The following DACH2 variants were observed in gnomAD, a reference collection of about 807,000 sequenced individuals.
DACH2 encodes the protein dachshund family transcription factor 2.
A neutral mutation model predicts 35.8 loss-of-function variants in DACH2; 17 were observed. That is an observed-to-expected ratio of 0.48 (90% CI 0.33 to 0.71). DACH2 has a LOEUF of 0.71. Among genes scored for constraint, DACH2 ranks in the 30% least tolerant of loss-of-function variants. DACH2 has a pLI of 0.02. For synonymous variants in DACH2, 195 were observed against 177.3 expected, an observed-to-expected ratio of 1.10 and a Z score of -0.79; for missense variants, 469 against 472.7, an observed-to-expected ratio of 0.99 and a Z score of 0.07.
intron 1 of DACH2, among the ~76,000 whole-genome samples, chrX:86,228,825 G>A (rs1019670593): frequency 8.2e-5 from 9 of 109,607 alleles, no homozygotes; most frequent in Admixed American, 2.9e-4. Flanking sequence ...GTTTTTTTTC[G>A]TACTGATTTG....
intron 2 of DACH2, among the ~76,000 whole-genome samples, chrX:86,381,756 T>C (rs770352549): frequency 1.1e-4 from 12 of 111,036 alleles, no homozygotes; most frequent in Non-Finnish European, 1.7e-4. Context: ...AAAATTGTTG[T>C]AACACTCTCT....
At chrX:86,407,707 A>T (rs1448763100) in intron 2 of DACH2, among the ~76,000 whole-genome samples, 1 of 112,022 alleles carries the variant, frequency 8.9e-6, no homozygotes, top group East Asian at 2.8e-4. Context: ...AGGCCCAAAG[A>T]TTTAAAAGCA....
intron 2 of DACH2, among the ~76,000 whole-genome samples, chrX:86,420,515 C>G (rs1372284536): frequency 9.1e-6 from 1 of 109,630 alleles, no homozygotes; most frequent in Non-Finnish European, 1.9e-5. Flanking sequence ...TGTGCATGTA[C>G]TTGTGGCCAA....
chrX:86,290,679 A>T (rs749318406), intron 1 of DACH2, among the ~76,000 whole-genome samples: 1 of 104,761 alleles, frequency 9.5e-6, no homozygotes, highest in African/African-American at 3.6e-5. Context: ...TTAAATAGGG[A>T]ATCCTTTCCC....
chrX:86,615,001 G>A (rs2039987284), intron 3 of DACH2, among the ~76,000 whole-genome samples: 3 of 111,412 alleles, frequency 2.7e-5, no homozygotes, highest in African/African-American at 9.8e-5. Context: ...TCTTTGTGAG[G>A]AAACAAAGTG....
At chrX:86,620,427 G>A (rs1489777806) in intron 3 of DACH2, among the ~76,000 whole-genome samples, 1 of 111,053 alleles carries the variant, frequency 9.0e-6, no homozygotes, top group East Asian at 2.8e-4. Flanking sequence ...TGGTTATCAC[G>A]GACAGCAGCT....
intron 1 of DACH2, among the ~76,000 whole-genome samples, chrX:86,326,512 C>CATAT (rs368452832): frequency 9.7e-6 from 1 of 102,886 alleles, no homozygotes; most frequent in African/African-American, 3.5e-5. Context: ...CACACACACA[C>CATAT]ATATATATAT....
chrX:86,737,157 G>T (rs2147256790), intron 6 of DACH2, among the ~76,000 whole-genome samples: 1 of 111,814 alleles, frequency 8.9e-6, no homozygotes, highest in African/African-American at 3.2e-5. Context: ...GGGCTGTATG[G>T]ATATTGCTGT....
chrX:86,283,988 T>TTTTAA lies in DACH2; in HGVS notation c.489-92833_489-92832insAATTT, dbSNP rs2034093494. Reference sequence around the variant, plus strand: ...ACTTTACTGAATTTATCAGTTTTAATTTTTTTTTGGTGTATTCTTTAGGTT... The same window carrying TTTTAA: ...ACTTTACTGAATTTATCAGTTTTAATTTTAATTTTTTTTGGTGTATTCTTTAGGTT... On this transcript the variant is annotated intron_variant, in intron 1 of 11. Coordinates refer to ENST00000373125, the MANE Select transcript of DACH2 (RefSeq NM_053281.3). 5.1e-5 allele frequency among the ~76,000 whole-genome samples: 4 copies of TTTTAA among 78,174 alleles called. No homozygotes were observed. In the South Asian group the frequency reaches 2.3e-3, roughly 45 times the overall value. 67.9% of individuals were successfully genotyped at this position (78,174 alleles called of 115,157 possible). A position where few individuals can be genotyped will look rare whatever the true frequency, so the allele number is the denominator to read the frequency against.
chrX:86,698,313 TA>T (rs1022982257), intron 5 of DACH2, among the ~76,000 whole-genome samples: 3 of 108,695 alleles, frequency 2.8e-5, no homozygotes, highest in Non-Finnish European at 5.7e-5. Context: ...GAAGGAGAAA[TA>T]AAAACTTTCT....
chrX:86,263,072 T>C (rs2033655310), intron 1 of DACH2: 1 of 602,635 alleles, frequency 1.7e-6, no homozygotes, highest in Non-Finnish European at 2.0e-6. Context: ...GAAAAAAGCA[T>C]CATAATAATA....
At chrX:86,194,080 A>G (rs1277298063) in intron 1 of DACH2, among the ~76,000 whole-genome samples, 2 of 110,270 alleles carry the variant, frequency 1.8e-5, no homozygotes, top group African/African-American at 6.6e-5. Flanking sequence ...GAACTGACAG[A>G]TTGATGGAAA....
chrX:86,676,007 C>A (rs1184629872), intron 4 of DACH2, among the ~76,000 whole-genome samples: 3 of 111,701 alleles, frequency 2.7e-5, no homozygotes, highest in Non-Finnish European at 5.6e-5. Context: ...CATGTGTGTG[C>A]ACATACACAT....
In DACH2 at chrX:86,812,868, T is replaced by C. The variant is rs1214269399; in HGVS notation, c.1253T>C (p.Val418Ala). ...HHLERMEEVP[V>A]QIPIMKSPLD... ...TTTGTTTTTGCAGAAGAGGTACCAG[T>C]TCAAATTCCAATAATGAAGTCACCC... Residue 418 changes from valine to alanine, a missense_variant, in exon 8 of 12, where the codon GTT (valine) becomes GCT (alanine). Coordinates refer to ENST00000373125, the MANE Select transcript of DACH2 (RefSeq NM_053281.3). The C allele has an allele frequency of 8.4e-7, 1 of 1,196,016 alleles. No homozygotes were observed. Among genetic ancestry groups the C allele is most frequent in the Non-Finnish European group, 1.1e-6 (1 of 889,043 alleles).
chrX:86,366,795 C>G (rs991949035), intron 1 of DACH2, among the ~76,000 whole-genome samples: 97 of 109,454 alleles, frequency 8.9e-4, no homozygotes, highest in Non-Finnish European at 1.5e-3. Context: ...GACCCCACCC[C>G]CCTTTTTGCT....
chrX:86,726,840 C>G (rs2041475371), intron 6 of DACH2, among the ~76,000 whole-genome samples: 1 of 111,837 alleles, frequency 8.9e-6, no homozygotes, highest in Non-Finnish European at 1.9e-5. Flanking sequence ...AGGAGCTTTT[C>G]TTGGTCCCCA....
At chrX:86,498,767 A>G (rs5923542) in intron 2 of DACH2, among the ~76,000 whole-genome samples, 1 of 110,812 alleles carries the variant, frequency 9.0e-6, no homozygotes, top group African/African-American at 3.3e-5. Context: ...CATTTTACTC[A>G]TATGCCATAT....
intron 1 of DACH2, among the ~76,000 whole-genome samples, chrX:86,282,482 C>G (rs753935062): frequency 9.0e-6 from 1 of 111,184 alleles, no homozygotes; most frequent in Non-Finnish European, 1.9e-5. Context: ...CCCTTCCTTA[C>G]ACCTTATATA....
intron 2 of DACH2, among the ~76,000 whole-genome samples, chrX:86,381,613 A>G (rs901047421): frequency 4.5e-5 from 5 of 110,898 alleles, no homozygotes; most frequent in Non-Finnish European, 9.5e-5. Flanking sequence ...AAGTTACAGT[A>G]TTAGACTAAA....
Sources: gnomAD v4.1 joint callset for allele counts (sites outside exome capture counted in the v4.1 genomes callset) on GRCh38, gnomAD v4.1.1 for gene constraint, MANE v1.5 for transcripts, NCBI Gene and HGNC (gene_info 2026-07-23, HGNC 2026-07-21) for gene names.